The following CAMKMT variants were observed in gnomAD, a reference collection of about 807,000 sequenced individuals.
The protein encoded by CAMKMT is calmodulin-lysine N-methyltransferase.
Under a neutral mutation model 48.0 loss-of-function variants are expected in CAMKMT, and 53 were observed. The observed-to-expected ratio is 1.10, with a 90% CI of 0.89 to 1.39. The LOEUF (loss-of-function observed/expected upper bound fraction) is 1.39, where lower values mean the gene tolerates loss of function less well. Ranked by LOEUF, CAMKMT falls within the 40% of genes most tolerant of loss-of-function variation. CAMKMT has a pLI of 0.00. For synonymous variants in CAMKMT, 165 were observed against 152.3 expected (o/e 1.08, Z -0.61); for missense variants, 428 against 402.7 (o/e 1.06, Z -0.54).
intron 3 of CAMKMT, chr2:44,456,750 G>T: frequency 2.7e-6 from 2 of 750,510 alleles, no homozygotes; most frequent in Non-Finnish European, 4.0e-6. Flanking sequence ...CATGCTAAAT[G>T]TTTTTCTTTT....
intron 3 of CAMKMT, among the ~76,000 whole-genome samples, chr2:44,429,051 G>C (rs541323328): frequency 6.6e-6 from 1 of 152,174 alleles, no homozygotes; most frequent in African/African-American, 2.4e-5. Flanking sequence ...TTCCAGTCAT[G>C]TTGAACTTAA....
chr2:44,701,446 GAAAC>G (rs1281609208), intron 3 of CAMKMT, among the ~76,000 whole-genome samples: 1 of 152,160 alleles, frequency 6.6e-6, no homozygotes, highest in Non-Finnish European at 1.5e-5. Context: ...AGGCTTTGAG[GAAAC>G]AAACACTCTG....
chr2:44,735,409 A>G (rs1277771022), intron 7 of CAMKMT, among the ~76,000 whole-genome samples: 1 of 152,032 alleles, frequency 6.6e-6, no homozygotes, highest in Non-Finnish European at 1.5e-5. Flanking sequence ...TGTTTCATCT[A>G]TTCTTTGTTC....
intron 4 of CAMKMT, chr2:44,705,464 C>T: frequency 1.0e-6 from 1 of 985,368 alleles, no homozygotes; most frequent in Non-Finnish European, 1.2e-6. Context: ...TTGACTGGAG[C>T]TCCAATCAGC....
At chr2:44,439,786 AAAATAAATAAAT>A (rs201288437) in intron 3 of CAMKMT, among the ~76,000 whole-genome samples, 3,487 of 147,912 alleles carry the variant, frequency 0.024, 69 homozygotes, top group Non-Finnish European at 0.035. Flanking sequence ...TCCATCTCAT[AAAATAAATAAAT>A]AAATAAATAA....
intron 9 of CAMKMT, among the ~76,000 whole-genome samples, chr2:44,756,049 G>A (rs1050649309): frequency 2.6e-5 from 4 of 152,206 alleles, no homozygotes; most frequent in Admixed American, 6.5e-5. Context: ...CCCAGTTGTG[G>A]ATGGCACATG....
intron 3 of CAMKMT, among the ~76,000 whole-genome samples, chr2:44,580,480 C>T (rs1305035619): frequency 2.6e-5 from 4 of 152,068 alleles, no homozygotes; most frequent in Non-Finnish European, 5.9e-5. Context: ...TCAAGTGGTC[C>T]TAGAAATAAT....
At chr2:44,562,953 T>A (rs1378360183) in intron 3 of CAMKMT, among the ~76,000 whole-genome samples, 1 of 152,218 alleles carries the variant, frequency 6.6e-6, no homozygotes, top group African/African-American at 2.4e-5. Context: ...TGGTAAGATA[T>A]GGAGAAAATG....
chr2:44,593,888 C>G (rs1670480419), intron 3 of CAMKMT, among the ~76,000 whole-genome samples: 1 of 151,742 alleles, frequency 6.6e-6, no homozygotes, highest in Non-Finnish European at 1.5e-5. Context: ...CTCAGCCTCC[C>G]AAGTAGCTGG....
intron 3 of CAMKMT, among the ~76,000 whole-genome samples, chr2:44,663,970 A>G (rs1285095327): frequency 6.6e-6 from 1 of 152,164 alleles, no homozygotes; most frequent in Non-Finnish European, 1.5e-5. Context: ...AAAGGAGATA[A>G]GGAGTGATGG....
At chr2:44,658,603 C>T (rs11899410) in intron 3 of CAMKMT, among the ~76,000 whole-genome samples, 1 of 152,184 alleles carries the variant, frequency 6.6e-6, no homozygotes, top group African/African-American at 2.4e-5. Context: ...TTTATACTTA[C>T]AGCTGTATAA....
At chr2:44,412,634 C>G (rs1422214973) in intron 3 of CAMKMT, among the ~76,000 whole-genome samples, 2 of 152,032 alleles carry the variant, frequency 1.3e-5, no homozygotes, top group African/African-American at 4.8e-5. Context: ...CTGGGCCCAG[C>G]CAGGTGAGTC....
At chr2:44,654,947 C>A (rs1339481606) in intron 3 of CAMKMT, among the ~76,000 whole-genome samples, 1 of 152,166 alleles carries the variant, frequency 6.6e-6, no homozygotes, top group Non-Finnish European at 1.5e-5. Flanking sequence ...GTCTAACTAA[C>A]CCCTTGCATT....
intron 3 of CAMKMT, among the ~76,000 whole-genome samples, chr2:44,666,971 C>G (rs1336182253): frequency 3.3e-5 from 5 of 152,302 alleles, no homozygotes; most frequent in South Asian, 2.1e-4. Flanking sequence ...ACCCCCAAAC[C>G]TTCTGCACTT....
intron 3 of CAMKMT, among the ~76,000 whole-genome samples, chr2:44,531,725 A>G (rs113172884): frequency 6.7e-4 from 102 of 152,268 alleles, no homozygotes; most frequent in African/African-American, 2.1e-3. Context: ...AGGATTGTCT[A>G]TGTTATTGCA....
intron 3 of CAMKMT, among the ~76,000 whole-genome samples, chr2:44,402,887 T>C (rs1441522989): frequency 2.0e-5 from 3 of 151,600 alleles, no homozygotes; most frequent in Non-Finnish European, 4.4e-5. Context: ...TATTTCTTAA[T>C]TGCCTTTCTT....
At chr2:44,678,953 A>C (rs1430885159) in intron 3 of CAMKMT, among the ~76,000 whole-genome samples, 2 of 152,168 alleles carry the variant, frequency 1.3e-5, no homozygotes, top group Non-Finnish European at 2.9e-5. Context: ...TTCTCTCTAC[A>C]TTGAGTTGAA....
At chr2:44,446,720 C>T (rs577981137) in intron 3 of CAMKMT, among the ~76,000 whole-genome samples, 1 of 152,348 alleles carries the variant, frequency 6.6e-6, no homozygotes, top group South Asian at 2.1e-4. Context: ...TTCCACCACA[C>T]TGTATACCTT....
At chr2:44,488,066 T>C (rs566583520) in intron 3 of CAMKMT, among the ~76,000 whole-genome samples, 24 of 152,370 alleles carry the variant, frequency 1.6e-4, no homozygotes, top group South Asian at 2.1e-4. Context: ...AAATGAGATA[T>C]AGTTTAGACT....
Sources: allele counts gnomAD v4.1 joint callset (sites outside exome capture counted in the v4.1 genomes callset), GRCh38; gene constraint gnomAD v4.1.1; transcripts MANE v1.5; gene names NCBI Gene and HGNC (gene_info 2026-07-23, HGNC 2026-07-21).